ASPSCR1: variants seen among roughly 807,000 people sequenced by gnomAD.
ASPSCR1 encodes ASPSCR1 tether for SLC2A4, UBX domain containing.
Under a neutral mutation model 68.9 loss-of-function variants are expected in ASPSCR1, and 55 were observed. That is an observed-to-expected ratio of 0.80 (90% CI 0.64 to 1.00). The LOEUF (loss-of-function observed/expected upper bound fraction) is 1.00, where lower values mean the gene tolerates loss of function less well. ASPSCR1 is among the 50% of genes least tolerant of loss of function. ASPSCR1 has a pLI of 0.00. For synonymous variants in ASPSCR1, 352 were observed against 332.6 expected (o/e 1.06, Z -0.63); for missense variants, 765 against 762.2 (o/e 1.00, Z -0.04).
chr17:82,009,711 G>A, intron 9 of ASPSCR1, 144 bp downstream of exon 9: 1 of 632,232 alleles, frequency 1.6e-6, no homozygotes, highest in South Asian at 2.0e-5. Context: ...GGCGACTGAG[G>A]CACAGCTCTG....
Position 81,996,795 on chromosome 17 carries a change from G to A in ASPSCR1, c.882G>A (p.Glu294=), listed in dbSNP as rs1432999446. The A allele has an allele frequency of 1.2e-6, 2 of 1,609,604 alleles. No individual in the cohort carries two copies. Among genetic ancestry groups the A allele is most frequent in the Non-Finnish European group, 1.7e-6 (2 of 1,178,854 alleles). ...AGTCGGGCCAGGATCCCCAGCAGGAGCAGGAGCAGGAGCGGGAGCGGGATC... is the reference window on the plus strand; with the variant it reads ...AGTCGGGCCAGGATCCCCAGCAGGAACAGGAGCAGGAGCGGGAGCGGGATC... ...KSKSGQDPQQ[E]QEQERERDPQ... The change falls in exon 7 of 16, where the codon GAG becomes GAA. Residue 294 remains glutamate, a synonymous_variant. Transcript: ENST00000306739.
Position 82,009,529 on chromosome 17 carries a change from G to C in ASPSCR1, c.1132G>C (p.Glu378Gln). 1 of 1,586,122 alleles carries C rather than the reference G, an allele frequency of 6.3e-7. No homozygotes were observed. The highest frequency in any genetic ancestry group is 8.6e-7 in the Non-Finnish European group (1 of 1,167,130). The change falls in exon 9 of 16, where the codon GAG becomes CAG. Residue 378 changes from glutamate (E) to glutamine (Q), a missense_variant. Physicochemically the swap from Glu to Gln is conservative, Grantham distance 29. Coordinates refer to ENST00000306739, the MANE Select transcript of ASPSCR1 (RefSeq NM_024083.4). Reference sequence around the variant, plus strand: ...CCCCTTGGTGACCAAGGCCTTCAGGGAGGCGCAGATAAAGGAGAAGCTGGA... The same window carrying C: ...CCCCTTGGTGACCAAGGCCTTCAGGCAGGCGCAGATAAAGGAGAAGCTGGA... ...EAPLVTKAFREAQIKEKLERY... is the reference protein window; with the variant it reads ...EAPLVTKAFRQAQIKEKLERY...
At chr17:81,985,950 C>T (rs1387982710) in intron 4 of ASPSCR1, among the ~76,000 whole-genome samples, 1 of 152,008 alleles carries the variant, frequency 6.6e-6, no homozygotes, top group Non-Finnish European at 1.5e-5. Context: ...TGCTTGATTC[C>T]CCTGGATGGG....
At chr17:82,016,349 TG>T in intron 12 of ASPSCR1, 126 bp from the exon 13 acceptor site, 1 of 841,480 alleles carries the variant, frequency 1.2e-6, no homozygotes, top group Non-Finnish European at 1.8e-6. Flanking sequence ...GATGGGCTCA[TG>T]GGGGCCGGGC....
rs543428266 is a variant in ASPSCR1, at chr17:81,990,704, C to T, written c.375-4117C>T. ...ATGGAAATGAGGATTTCATGGCCTA[C>T]GGGCCCTGGGGGTACACGGCCCTCC... On this transcript the variant is annotated intron_variant, in intron 4 of 15. Coordinates refer to ENST00000306739, the MANE Select transcript of ASPSCR1 (RefSeq NM_024083.4). The surrounding 1 kb of genome is among the most constrained non-coding windows in gnomAD (Gnocchi z 4.1). Among the ~76,000 whole-genome samples, 5 of 152,310 alleles carry T rather than the reference C, an allele frequency of 3.3e-5. No homozygotes were observed. Among genetic ancestry groups the T allele is most frequent in the African/African-American group, 4.8e-5 (2 of 41,566 alleles).
rs1363540476 is a variant in ASPSCR1 at position 81,983,863 on chromosome 17, T to G, written c.273+195T>G. Among the ~76,000 whole-genome samples the G allele has an allele frequency of 1.4e-5, 2 of 141,098 alleles. No individual in the cohort carries two copies. Among genetic ancestry groups the G allele is most frequent in the African/African-American group, 2.7e-5 (1 of 36,776 alleles). 92.6% of individuals were successfully genotyped at this position (141,098 alleles called of 152,430 possible). On this transcript the variant is annotated intron_variant, in intron 3 of 15. Transcript: ENST00000306739. This position sits in a 1 kb window ranked among gnomAD's most constrained non-coding sequence, Gnocchi z 4.4. ...GGCAACTGAAAATGAGCATCTCATG[T>G]TTTTTTTTTTTTGAGCTGGAGTCTC...
chr17:82,004,757 C>T (rs1164547811), intron 7 of ASPSCR1: 3 of 152,350 alleles, frequency 2.0e-5, no homozygotes. Context: ...ACCTCTGACT[C>T]TGCCCAGCAA....
Position 81,996,036 on chromosome 17 carries a change from G to T in ASPSCR1, c.477G>T (p.Leu159=). The change falls in exon 6 of 16, where the codon CTG becomes CTT. Residue 159 remains leucine (L), a synonymous_variant. Transcript: ENST00000306739. ...TGCGGGGCACGACGCTGCAGTCGCT[G>T]GGCCTGACCGGGGGCAGCGCCACCA... ...AALRGTTLQS[L]GLTGGSATIR... 1 of 1,610,278 alleles carries T rather than the reference G, an allele frequency of 6.2e-7. No homozygotes were observed. The highest frequency in any genetic ancestry group is 8.5e-7 in the Non-Finnish European group (1 of 1,179,126).
intron 12 of ASPSCR1, chr17:82,015,698 G>A: frequency 3.0e-6 from 1 of 335,210 alleles, no homozygotes. Context: ...GAATCTTGGA[G>A]GCCCGGTGGT....
intron 7 of ASPSCR1, among the ~76,000 whole-genome samples, chr17:81,997,212 C>G (rs1000538601): frequency 7.5e-6 from 1 of 132,714 alleles, no homozygotes; most frequent in African/African-American, 3.4e-5. Flanking sequence ...TGGCACAGAG[C>G]AGGGCCGCCC....
At chr17:82,017,215 C>T (rs1025854628) in intron 15 of ASPSCR1, 94 bp from the exon 16 acceptor site, 60 of 1,590,528 alleles carry the variant, frequency 3.8e-5, no homozygotes, top group African/African-American at 1.1e-4. Context: ...GTGCTGTGGC[C>T]GGCAGGGCCG....
chr17:82,009,928 T>C, intron 9 of ASPSCR1: 1 of 250,394 alleles, frequency 4.0e-6, no homozygotes. Flanking sequence ...TTTTTTTTTT[T>C]GAGACGGAGT....
At chr17:81,994,746 C>T in intron 4 of ASPSCR1, 75 bp from the exon 5 acceptor site, 1 of 1,486,516 alleles carries the variant, frequency 6.7e-7, no homozygotes, top group Non-Finnish European at 9.3e-7. Flanking sequence ...CTTTCCGAGT[C>T]TCCTGCCCCA....
chr17:81,997,487 G>GGTTTTT (rs1567973899), intron 7 of ASPSCR1, among the ~76,000 whole-genome samples: 1 of 135,906 alleles, frequency 7.4e-6, no homozygotes, highest in Non-Finnish European at 1.6e-5. Context: ...TTTTTTCTGG[G>GGTTTTT]TTTTTTTTTT....
chr17:81,995,654 C>G (rs1169109735), intron 5 of ASPSCR1: 2 of 499,888 alleles, frequency 4.0e-6, no homozygotes, highest in Admixed American at 3.6e-5. Flanking sequence ...GTTCCTGCCT[C>G]TCTCGCTCCG....
chr17:81,986,835 G>A lies in ASPSCR1; in HGVS notation c.374+1228G>A, dbSNP rs1413836623. Among the ~76,000 whole-genome samples the A allele has an allele frequency of 1.3e-5, 2 of 152,220 alleles. No homozygotes were observed. Among genetic ancestry groups the A allele is most frequent in the Non-Finnish European group, 2.9e-5 (2 of 68,038 alleles). On this transcript the variant is annotated intron_variant, in intron 4 of 15. Coordinates refer to ENST00000306739, the MANE Select transcript of ASPSCR1 (RefSeq NM_024083.4). This position sits in a 1 kb window ranked among gnomAD's most constrained non-coding sequence, Gnocchi z 5.2. ...TCTGACAGTAGTGCCGCGCTGCATGGCACGGGTGTTGCGTTCGTGGGTGAG... is the reference window on the plus strand; with the variant it reads ...TCTGACAGTAGTGCCGCGCTGCATGACACGGGTGTTGCGTTCGTGGGTGAG...
At chr17:81,992,011 C>T (rs1465306630) in intron 4 of ASPSCR1, among the ~76,000 whole-genome samples, 1 of 152,274 alleles carries the variant, frequency 6.6e-6, no homozygotes, top group Admixed American at 6.5e-5. Context: ...GCCCTCCTGG[C>T]CGTCCCGCTG....
chr17:82,016,730 G>A, intron 13 of ASPSCR1, 70 bp from the exon 14 acceptor site: 1 of 1,542,456 alleles, frequency 6.5e-7, no homozygotes, highest in Non-Finnish European at 8.8e-7. Context: ...AGTGCTGGTG[G>A]GCAGATGCTG....
Position 81,985,572 on chromosome 17 carries a change from C to G in ASPSCR1, c.339C>G (p.Thr113=), listed in dbSNP as rs761437153. ...RLQDSFCSGQ[T]LWELLSHFPQ... The stretch of plus-strand genomic sequence containing the variant: ...AGGACTCTTTCTGTTCAGGCCAGAC[C>G]CTCTGGGAGCTTCTCAGCCATTTTC... Residue 113 remains threonine (T), a synonymous_variant, in exon 4 of 16, where the codon ACC becomes ACG. Transcript: ENST00000306739. 1.9e-6 allele frequency: 3 copies of G among 1,614,022 alleles called. No homozygotes were observed. The highest frequency in any genetic ancestry group is 2.5e-6 in the Non-Finnish European group (3 of 1,180,020).
Sources: allele counts gnomAD v4.1 joint callset (sites outside exome capture counted in the v4.1 genomes callset), GRCh38; gene constraint gnomAD v4.1.1; non-coding constraint Gnocchi (gnomAD v3.1); transcripts MANE v1.5; gene names NCBI Gene and HGNC (gene_info 2026-07-23, HGNC 2026-07-21).